PTPN23: variants seen among roughly 807,000 people sequenced by gnomAD.
The protein encoded by PTPN23 is protein tyrosine phosphatase non-receptor type 23, also known as tyrosine-protein phosphatase non-receptor type 23.
In PTPN23, 72 loss-of-function variants were observed where a neutral mutation model predicts 156.3. The ratio of observed to expected loss-of-function variants is 0.46; its 90% CI spans 0.38 to 0.56. The LOEUF (loss-of-function observed/expected upper bound fraction) is 0.56, where lower values mean the gene tolerates loss of function less well. PTPN23 is among the 20% of genes least tolerant of loss of function. The pLI is 0.00. For missense variants in PTPN23, 1,974 were observed against 2,171.5 expected (o/e 0.91, Z 1.81); for synonymous variants, 957 against 899.6 (o/e 1.06, Z -1.14).
Position 47,406,750 on chromosome 3 carries a change from G to C in PTPN23, c.807G>C (p.Arg269=). Residue 269 remains arginine, a splice_region_variant and synonymous_variant, in exon 9 of 25, where the codon CGG becomes CGC. Coordinates refer to ENST00000265562, the MANE Select transcript of PTPN23 (RefSeq NM_015466.4). This position sits in a 1 kb window ranked among gnomAD's most constrained non-coding sequence, Gnocchi z 5.8. ...AGGAGCAGCAGAAGTTCGGGGAGCG[G>C]GTGAGCTACAGCGAGGAGGGGACTG... ...QAEEQQKFGE[R]VAYFQSALDK... The C allele has an allele frequency of 6.2e-7, 1 of 1,613,602 alleles. No homozygotes were observed. The highest frequency in any genetic ancestry group is 1.1e-5 in the South Asian group (1 of 91,066).
Position 47,411,243 on chromosome 3 carries a change from G to C in PTPN23, c.3445G>C (p.Ala1149Pro). The C allele has an allele frequency of 6.2e-7, 1 of 1,608,284 alleles. No homozygotes were observed. Reference protein sequence around the residue: ...PLLQPTKVDAAEGRRPQALRL... With the variant: ...PLLQPTKVDAPEGRRPQALRL... ...GCTGCAGCCCACCAAGGTGGATGCAGCTGAGGGTCGTCGGCCGCAGGCCCT... is the reference window on the plus strand; with the variant it reads ...GCTGCAGCCCACCAAGGTGGATGCACCTGAGGGTCGTCGGCCGCAGGCCCT... The change falls in exon 20 of 25, where the codon GCT (alanine) becomes CCT (proline). Residue 1149 changes from alanine (A) to proline (P), a missense_variant. Coordinates refer to ENST00000265562, the MANE Select transcript of PTPN23 (RefSeq NM_015466.4). This position sits in a 1 kb window ranked among gnomAD's most constrained non-coding sequence, Gnocchi z 6.3.
Position 47,409,647 on chromosome 3 carries a change from C to G in PTPN23, c.1950-8C>G. Reference sequence around the variant, plus strand: ...GGTTCACCTGGAGCTGGCCCTTCTGCCCACCAGGTGGAACTCCACGCTGCA... The same window carrying G: ...GGTTCACCTGGAGCTGGCCCTTCTGGCCACCAGGTGGAACTCCACGCTGCA... On this transcript the variant is annotated splice_polypyrimidine_tract_variant and splice_region_variant and intron_variant, in intron 18 of 24. Transcript: ENST00000265562. 4.3e-6 allele frequency: 7 copies of G among 1,612,424 alleles called. No homozygotes were observed. The highest frequency in any genetic ancestry group is 5.9e-6 in the Non-Finnish European group (7 of 1,179,518).
chr3:47,410,411 C>G lies in PTPN23; in HGVS notation c.2613C>G (p.Pro871=). ...PSAPPPQFSG[P]ELAMAVRPAT... is the part of the protein sequence containing the mutation. ...CCCCACCTCCTCAATTCTCAGGCCC[C>G]GAGTTGGCCATGGCGGTTCGGCCAG... Residue 871 remains proline, a synonymous_variant, in exon 20 of 25, where the codon CCC becomes CCG. Transcript: ENST00000265562. 1.2e-6 allele frequency: 2 copies of G among 1,612,064 alleles called. No individual in the cohort carries two copies. The highest frequency in any genetic ancestry group is 2.2e-5 in the East Asian group (1 of 44,818).
At chr3:47,404,562 A>T in intron 2 of PTPN23, 90 bp from the exon 3 acceptor site, 1 of 1,542,704 alleles carries the variant, frequency 6.5e-7, no homozygotes, top group Non-Finnish European at 8.9e-7. Flanking sequence ...GCCAGCTGTG[A>T]TGCATTTTCC....
intron 2 of PTPN23, 95 bp from the exon 3 acceptor site, chr3:47,404,557 C>A (rs1348113094): frequency 1.3e-6 from 2 of 1,525,522 alleles, no homozygotes; most frequent in South Asian, 1.2e-5. Flanking sequence ...AGTCGGCCAG[C>A]TGTGATGCAT....
At chr3:47,404,906 CTCCCCACA>C (rs1440328252) in intron 3 of PTPN23, 91 bp from the exon 4 acceptor site, 36 of 1,585,560 alleles carry the variant, frequency 2.3e-5, no homozygotes, top group Non-Finnish European at 2.9e-5. Context: ...CCCCCCAGGC[CTCCCCACA>C]TCCCCACAAT....
intron 1 of PTPN23, among the ~76,000 whole-genome samples, chr3:47,393,126 G>C (rs1317239867): frequency 2.6e-5 from 4 of 152,040 alleles, no homozygotes; most frequent in Admixed American, 2.6e-4. Flanking sequence ...GTGAACCACT[G>C]CACCCAGTGT....
chr3:47,411,489 A>G lies in PTPN23; in HGVS notation c.3691A>G (p.Ser1231Gly), dbSNP rs1234737068. The stretch of plus-strand genomic sequence containing the variant: ...GCACCAGGATGTCATGCCCTATGAC[A>G]GTAACCGTGTGGTGCTGCGCTCAGG... Reference protein sequence around the residue: ...NRHQDVMPYDSNRVVLRSGKD... With the variant: ...NRHQDVMPYDGNRVVLRSGKD... Residue 1231 changes from serine (S) to glycine (G), a missense_variant, in exon 20 of 25, where the codon AGT becomes GGT. Transcript: ENST00000265562. The surrounding 1 kb of genome is among the most constrained non-coding windows in gnomAD (Gnocchi z 6.3). The G allele has an allele frequency of 6.2e-7, 1 of 1,613,152 alleles. No individual in the cohort carries two copies. The highest frequency in any genetic ancestry group is 8.5e-7 in the Non-Finnish European group (1 of 1,180,018).
chr3:47,381,080 G>A lies in PTPN23; in HGVS notation c.-17G>A, dbSNP rs1242771583. 1.9e-6 allele frequency: 3 copies of A among 1,560,040 alleles called. No individual in the cohort carries two copies. The highest frequency in any genetic ancestry group is 8.7e-7 in the Non-Finnish European group (1 of 1,153,088). Reference sequence around the variant, plus strand: ...CAGCTACGGGAGTGGCCGGGTGGCCGGCGGGTGCCAGCCGCCATGGAGGCC... The same window carrying A: ...CAGCTACGGGAGTGGCCGGGTGGCCAGCGGGTGCCAGCCGCCATGGAGGCC... On this transcript the variant is annotated 5_prime_UTR_variant, in exon 1 of 25. Coordinates refer to ENST00000265562, the MANE Select transcript of PTPN23 (RefSeq NM_015466.4).
rs141407213 is a variant in PTPN23 at position 47,412,362 on chromosome 3, G to A, written c.4258G>A (p.Glu1420Lys). ...QEVEAGNGIP[E>K]LPQLVRRMRQ... ...GGTGGAGGCTGGGAACGGAATCCCTGAGCTGCCTCAGCTGGTGCGGCGCAT... is the reference window on the plus strand; with the variant it reads ...GGTGGAGGCTGGGAACGGAATCCCTAAGCTGCCTCAGCTGGTGCGGCGCAT... The change falls in exon 23 of 25, where the codon GAG becomes AAG. Residue 1420 changes from glutamate to lysine, a missense_variant. This residue lies in a region of PTPN23 where 484 missense variants were observed against 516.0 expected (regional missense o/e 0.94). Transcript: ENST00000265562. 1 of 1,613,246 alleles carries A rather than the reference G, an allele frequency of 6.2e-7. No homozygotes were observed. Among genetic ancestry groups the A allele is most frequent in the African/African-American group, 1.3e-5 (1 of 75,056 alleles).
At chr3:47,385,919 G>A (rs999286148) in intron 1 of PTPN23, among the ~76,000 whole-genome samples, 20 of 152,110 alleles carry the variant, frequency 1.3e-4, no homozygotes, top group African/African-American at 4.3e-4. Context: ...TCACTCCCCA[G>A]TCCTCTCCTA....
In PTPN23 at chr3:47,406,276, G is replaced by A. The variant is rs553925287; in HGVS notation, c.547-49G>A. ...TGGGGAAGGATAAAGGGAAGGGGAAGCGGGAGGCCTTGGGTGAGCGAGGGA... is the reference window on the plus strand; with the variant it reads ...TGGGGAAGGATAAAGGGAAGGGGAAACGGGAGGCCTTGGGTGAGCGAGGGA... On this transcript the variant is annotated intron_variant, in intron 6 of 24. Coordinates refer to ENST00000265562, the MANE Select transcript of PTPN23 (RefSeq NM_015466.4). This position sits in a 1 kb window ranked among gnomAD's most constrained non-coding sequence, Gnocchi z 5.8. The A allele has an allele frequency of 1.2e-6, 2 of 1,600,846 alleles. No individual in the cohort carries two copies. The highest frequency in any genetic ancestry group is 1.3e-5 in the African/African-American group (1 of 74,718).
At chr3:47,403,404 TA>T (rs1353821643) in intron 2 of PTPN23, among the ~76,000 whole-genome samples, 1 of 152,054 alleles carries the variant, frequency 6.6e-6, no homozygotes, top group Non-Finnish European at 1.5e-5. Flanking sequence ...CATCTTAACA[TA>T]TGAGTAACTA....
chr3:47,404,200 T>G (rs1398238517), intron 2 of PTPN23, among the ~76,000 whole-genome samples: 2 of 152,178 alleles, frequency 1.3e-5, no homozygotes, highest in African/African-American at 4.8e-5. Context: ...TTTGAGAGGC[T>G]GAGGCGGGTG....
In PTPN23 at chr3:47,410,293, G is replaced by A; in HGVS notation, c.2495G>A (p.Gly832Asp). 2 of 1,605,750 alleles carry A rather than the reference G, an allele frequency of 1.2e-6. No individual in the cohort carries two copies. The highest frequency in any genetic ancestry group is 1.7e-6 in the Non-Finnish European group (2 of 1,175,924). The part of the protein sequence containing the change: ...YPAPAYTPEL[G>D]LVPRSSPQHG... ...GCCCCTGCCTACACACCGGAGCTGG[G>A]CCTTGTGCCCCGATCCTCCCCACAG... The change falls in exon 20 of 25, where the codon GGC becomes GAC. Residue 832 changes from glycine to aspartate, a missense_variant. Gly to Asp is a moderately conservative substitution (Grantham distance 94). Around this residue, in one of 4 missense-constraint regions of PTPN23, gnomAD observed 731 missense variants for 669.1 expected, o/e 1.09. Transcript: ENST00000265562.
Position 47,410,792 on chromosome 3 carries a change from C to T in PTPN23, c.2994C>T (p.Tyr998=), listed in dbSNP as rs769865720. The change falls in exon 20 of 25, where the codon TAC becomes TAT. Residue 998 remains tyrosine, a synonymous_variant. Coordinates refer to ENST00000265562, the MANE Select transcript of PTPN23 (RefSeq NM_015466.4). ...GACTCCTACCCCCACAATCCCCCTA[C>T]CCCTATGCCCCTCAGCCTGGGGTCC... ...APGLLPPQSP[Y]PYAPQPGVLG... is the part of the protein sequence containing the mutation. 4 of 1,556,360 alleles carry T rather than the reference C, an allele frequency of 2.6e-6. No individual in the cohort carries two copies. The highest frequency in any genetic ancestry group is 3.5e-6 in the Non-Finnish European group (4 of 1,133,408).
At position 47,407,260 on chromosome 3, in the gene PTPN23, G is replaced by GCCAGCCTTGGTTAGTGCTAAGGCC. The variant is rs1705149909; in HGVS notation, c.865-45_865-22dup. 3 of 1,613,552 alleles carry GCCAGCCTTGGTTAGTGCTAAGGCC rather than the reference G, an allele frequency of 1.9e-6. No homozygotes were observed. The Admixed American group carries it at 5.0e-5, about 27-fold the overall frequency. Reference sequence around the variant, plus strand: ...GGTAGGACTGAGGGGGTGTCCTGGTGCCAGCCTTGGTTAGTGCTAAGGCCC... The same window carrying GCCAGCCTTGGTTAGTGCTAAGGCC: ...GGTAGGACTGAGGGGGTGTCCTGGTGCCAGCCTTGGTTAGTGCTAAGGCCCCAGCCTTGGTTAGTGCTAAGGCCC... On this transcript the variant is annotated intron_variant, in intron 10 of 24. Transcript: ENST00000265562. This position sits in a 1 kb window ranked among gnomAD's most constrained non-coding sequence, Gnocchi z 4.0.
At chr3:47,392,262 T>G (rs895934264) in intron 1 of PTPN23, among the ~76,000 whole-genome samples, 6 of 152,124 alleles carry the variant, frequency 3.9e-5, no homozygotes, top group Non-Finnish European at 7.4e-5. Flanking sequence ...CATAGCTCAC[T>G]GCAGCTTCAA....
At chr3:47,408,107 T>TGTGTAA in intron 14 of PTPN23, 152 bp downstream of exon 14, 2 of 1,038,930 alleles carry the variant, frequency 1.9e-6, no homozygotes, top group Non-Finnish European at 2.8e-6. Context: ...GTGGGGCTAG[T>TGTGTAA]GTGTAAGGCA....
Sources: gnomAD v4.1 joint callset for allele counts (sites outside exome capture counted in the v4.1 genomes callset) on GRCh38, gnomAD v4.1.1 for gene constraint, gnomAD v4.1.1 regional missense constraint, Gnocchi (gnomAD v3.1) non-coding constraint, MANE v1.5 for transcripts, NCBI Gene and HGNC (gene_info 2026-07-23, HGNC 2026-07-21) for gene names.